CDCP1: variants seen among roughly 807,000 people sequenced by gnomAD.
CDCP1 encodes the protein CUB domain containing protein 1, also known as CUB domain-containing protein 1.
Under a neutral mutation model 60.2 loss-of-function variants are expected in CDCP1, and 29 were observed. The ratio of observed to expected loss-of-function variants is 0.48; its 90% CI spans 0.36 to 0.66. CDCP1 has a LOEUF of 0.66. Ranked by LOEUF, CDCP1 falls within the 30% of genes least tolerant of loss-of-function variation. The pLI is 0.00. For missense variants in CDCP1, 876 were observed against 1,074.3 expected (o/e 0.82, Z 2.58); for synonymous variants, 387 against 431.1 (o/e 0.90, Z 1.27).
In CDCP1 at chr3:45,110,762, A is replaced by T. The variant is rs758637092; in HGVS notation, c.735T>A (p.Pro245=). 4.3e-6 allele frequency: 7 copies of T among 1,614,188 alleles called. No individual in the cohort carries two copies. In the South Asian group the frequency reaches 7.7e-5, roughly 18 times the overall value. ...LMSANYPEGF[P]EDELMTWQFV... ...ACTGCCACGTCATGAGCTCATCCTC[A>T]GGGAAGCCTTCTGGGTAGTTGGCAG... is the stretch of plus-strand genomic sequence containing the variant. The change falls in exon 4 of 9, where the codon CCT becomes CCA. Residue 245 remains proline, a synonymous_variant. Coordinates refer to ENST00000296129, the MANE Select transcript of CDCP1 (RefSeq NM_022842.5).
intron 1 of CDCP1, among the ~76,000 whole-genome samples, chr3:45,129,644 A>G (rs1443323164): frequency 6.6e-6 from 1 of 152,038 alleles, no homozygotes; most frequent in Non-Finnish European, 1.5e-5. Context: ...GGATTAAAAA[A>G]CCCATCTGTA....
chr3:45,112,574 G>T lies in CDCP1; in HGVS notation c.293-129C>A, dbSNP rs1698717575. ...CCCAAGGTGGCCTTTACCAGGCAGGGGCACCCAGGCCCCAACTGCTGTGAG... is the reference window on the plus strand; with the variant it reads ...CCCAAGGTGGCCTTTACCAGGCAGGTGCACCCAGGCCCCAACTGCTGTGAG... On this transcript the variant is annotated intron_variant, in intron 2 of 8. Transcript: ENST00000296129. The T allele has an allele frequency of 4.6e-6, 6 of 1,317,770 alleles. No individual in the cohort carries two copies. The Admixed American group carries it at 1.1e-4, about 24-fold the overall frequency. The allele number at this position is 1,317,770 out of a possible 1,614,324, so 81.6% of individuals were successfully genotyped here.
At chr3:45,138,596 A>G (rs1279519907) in intron 1 of CDCP1, among the ~76,000 whole-genome samples, 2 of 152,220 alleles carry the variant, frequency 1.3e-5, no homozygotes, top group East Asian at 3.9e-4. Flanking sequence ...TAATCCCGGC[A>G]CTTTGGGAGG....
rs566326539 is a variant in CDCP1, at chr3:45,089,082, C to A, written c.2053G>T (p.Gly685Trp). 3 of 1,613,782 alleles carry A rather than the reference C, an allele frequency of 1.9e-6. No individual in the cohort carries two copies. Among genetic ancestry groups the A allele is most frequent in the Non-Finnish European group, 2.5e-6 (3 of 1,179,962 alleles). Reference protein sequence around the residue: ...GGGVLLLSALGLIICCVKKKK... With the variant: ...GGGVLLLSALWLIICCVKKKK... Reference sequence around the variant, plus strand: ...TTTTTCACACAGCAAATGATGAGCCCGAGGGCAGACAGCAGTAAGACTCCA... The same window carrying A: ...TTTTTCACACAGCAAATGATGAGCCAGAGGGCAGACAGCAGTAAGACTCCA... The change falls in exon 8 of 9, where the codon GGG (glycine) becomes TGG (tryptophan). Residue 685 changes from glycine to tryptophan, a missense_variant. Transcript: ENST00000296129.
chr3:45,134,093 C>T (rs936636958), intron 1 of CDCP1, among the ~76,000 whole-genome samples: 1 of 152,166 alleles, frequency 6.6e-6, no homozygotes, highest in Non-Finnish European at 1.5e-5. Flanking sequence ...ATGTCAGCTT[C>T]CCCACTGAGC....
chr3:45,090,258 G>A (rs963969873), intron 7 of CDCP1, among the ~76,000 whole-genome samples: 2 of 152,158 alleles, frequency 1.3e-5, no homozygotes, highest in Admixed American at 1.3e-4. Flanking sequence ...CTGACACTGT[G>A]ATGCTCGGTG....
At chr3:45,099,408 C>T (rs747358466) in intron 4 of CDCP1, among the ~76,000 whole-genome samples, 19 of 151,922 alleles carry the variant, frequency 1.3e-4, no homozygotes, top group Non-Finnish European at 2.5e-4. Context: ...AACTTTTTTA[C>T]CTCTTCTCTA....
At chr3:45,122,269 G>C (rs1171548318) in intron 1 of CDCP1, among the ~76,000 whole-genome samples, 1 of 150,520 alleles carries the variant, frequency 6.6e-6, no homozygotes, top group East Asian at 2.0e-4. Flanking sequence ...TCAGCCTCCC[G>C]AGTAGCTGGG....
rs573587521 is a variant in CDCP1, at chr3:45,082,764, A to T, written c.*2874T>A. ...TCCTGCATGCGCTGGCCTTCCTCGT[A>T]GGCATGGCAGACCACGTGGATGAGC... On this transcript the variant is annotated 3_prime_UTR_variant, in exon 9 of 9. Transcript: ENST00000296129. 1.3e-5 allele frequency: 2 copies of T among 152,312 alleles called. No individual in the cohort carries two copies. Among genetic ancestry groups the T allele is most frequent in the South Asian group, 4.1e-4 (2 of 4,820 alleles). The allele number at this position is 152,312 out of a possible 1,614,324, so 9.4% of individuals were successfully genotyped here.
At chr3:45,136,859 G>A (rs983082581) in intron 1 of CDCP1, among the ~76,000 whole-genome samples, 18 of 152,232 alleles carry the variant, frequency 1.2e-4, no homozygotes, top group Admixed American at 1.0e-3. Flanking sequence ...AGGCAAATCA[G>A]TGGTTGCCAG....
intron 2 of CDCP1, among the ~76,000 whole-genome samples, chr3:45,117,915 A>G (rs917419698): frequency 2.0e-5 from 3 of 152,098 alleles, no homozygotes; most frequent in African/African-American, 7.2e-5. Context: ...CGCCTACCTC[A>G]GCCTCCTCAG....
chr3:45,096,819 T>C (rs1427786354), intron 4 of CDCP1, among the ~76,000 whole-genome samples: 1 of 152,050 alleles, frequency 6.6e-6, no homozygotes, highest in African/African-American at 2.4e-5. Context: ...GAGAGAAATA[T>C]GACAAATCCG....
intron 4 of CDCP1, among the ~76,000 whole-genome samples, chr3:45,108,912 CATATATATATATATGCATGTATACAT>C (rs1559392714): frequency 8.6e-4 from 38 of 43,948 alleles, no homozygotes; most frequent in African/African-American, 2.9e-3. Context: ...TGCATGTATA[CATATATATATATATGCATGTATACAT>C]ATATATATAT....
chr3:45,088,280 A>G (rs990475959), intron 8 of CDCP1, among the ~76,000 whole-genome samples: 5 of 151,832 alleles, frequency 3.3e-5, no homozygotes, highest in Admixed American at 2.6e-4. Context: ...TCAGGCGTTT[A>G]AGACCAATCT....
intron 4 of CDCP1, among the ~76,000 whole-genome samples, chr3:45,096,470 C>CT (rs1402020415): frequency 6.6e-6 from 1 of 151,460 alleles, no homozygotes; most frequent in Non-Finnish European, 1.5e-5. Context: ...ACTAAAAATA[C>CT]AAAAATTAGC....
At chr3:45,098,600 C>T (rs1030065385) in intron 4 of CDCP1, among the ~76,000 whole-genome samples, 1 of 151,166 alleles carries the variant, frequency 6.6e-6, no homozygotes, top group Non-Finnish European at 1.5e-5. Context: ...CCCCTCCACA[C>T]CCCACACCCC....
In CDCP1 at chr3:45,146,255, T is replaced by C. The variant is rs781610537; in HGVS notation, c.33A>G (p.Ala11=). Residue 11 remains alanine (A), a synonymous_variant, in exon 1 of 9, where the codon GCA becomes GCG. Coordinates refer to ENST00000296129, the MANE Select transcript of CDCP1 (RefSeq NM_022842.5). ...CACCCAGCAGCAGAACCCCTAGCAG[T>C]GCGATAGAGACCCCGCAGTTCAGGC... MAGLNCGVSI[A]LLGVLLLGAA... is the part of the protein sequence containing the mutation. The C allele has an allele frequency of 1.9e-6, 3 of 1,593,312 alleles. No individual in the cohort carries two copies. In the Admixed American group the frequency reaches 5.1e-5, roughly 27 times the overall value.
chr3:45,116,010 T>C (rs1000624682), intron 2 of CDCP1, among the ~76,000 whole-genome samples: 1 of 152,224 alleles, frequency 6.6e-6, no homozygotes, highest in African/African-American at 2.4e-5. Flanking sequence ...AATCTCTATA[T>C]ATTTAATTAG....
At chr3:45,087,824 C>T (rs533167708) in intron 8 of CDCP1, among the ~76,000 whole-genome samples, 130 of 152,094 alleles carry the variant, frequency 8.5e-4, no homozygotes, top group Admixed American at 1.6e-3. Flanking sequence ...TCGAGACCAT[C>T]CTGGCCAACA....
Sources: allele counts gnomAD v4.1 joint callset (sites outside exome capture counted in the v4.1 genomes callset), GRCh38; gene constraint gnomAD v4.1.1; transcripts MANE v1.5; gene names NCBI Gene and HGNC (gene_info 2026-07-23, HGNC 2026-07-21).